Variants in FSTL5 observed in about 807,000 individuals in gnomAD.
The protein encoded by FSTL5 is follistatin-related protein 5.
Under a neutral mutation model 89.1 loss-of-function variants are expected in FSTL5, and 62 were observed. That is an observed-to-expected ratio of 0.70 (90% CI 0.57 to 0.86). FSTL5 has a LOEUF of 0.86. Among genes scored for constraint, FSTL5 ranks in the 40% least tolerant of loss-of-function variants. FSTL5 has a pLI of 0.00. For synonymous variants in FSTL5, 383 were observed against 346.2 expected, an observed-to-expected ratio of 1.11 and a Z score of -1.18; for missense variants, 1,057 against 1,001.6, an observed-to-expected ratio of 1.06 and a Z score of -0.75.
intron 2 of FSTL5, among the ~76,000 whole-genome samples, chr4:162,039,991 A>G (rs1737887783): frequency 6.6e-6 from 1 of 152,032 alleles, no homozygotes; most frequent in South Asian, 2.1e-4. Flanking sequence ...AGATCCTAAC[A>G]CTGAAAATAG....
intron 8 of FSTL5, among the ~76,000 whole-genome samples, chr4:161,579,755 G>GAA (rs1560963595): frequency 1.0e-5 from 1 of 95,378 alleles, no homozygotes; most frequent in Non-Finnish European, 2.5e-5. Context: ...GAAAGAAAAA[G>GAA]AAAAAAAGAA....
intron 6 of FSTL5, among the ~76,000 whole-genome samples, chr4:161,693,078 ATTTG>A (rs965217915): frequency 2.6e-5 from 4 of 152,034 alleles, no homozygotes; most frequent in Non-Finnish European, 5.9e-5. Flanking sequence ...ATTTTTGTTT[ATTTG>A]TTTATCATCC....
intron 3 of FSTL5, among the ~76,000 whole-genome samples, chr4:161,988,714 T>A (rs749091961): frequency 5.3e-5 from 8 of 152,168 alleles, no homozygotes; most frequent in Non-Finnish European, 1.0e-4. Flanking sequence ...TTTTCCCTTT[T>A]CTGGTGATTT....
chr4:162,016,417 A>G (rs1736917345), intron 3 of FSTL5, among the ~76,000 whole-genome samples: 1 of 152,162 alleles, frequency 6.6e-6, no homozygotes, highest in Non-Finnish European at 1.5e-5. Flanking sequence ...CATCAACCCT[A>G]TGGAAAACAG....
chr4:161,892,693 C>T (rs989670967), intron 4 of FSTL5, among the ~76,000 whole-genome samples: 4 of 151,888 alleles, frequency 2.6e-5, no homozygotes, highest in East Asian at 1.9e-4. Context: ...TTAACTTTTC[C>T]AAATGTAAAA....
chr4:162,108,770 T>A (rs1492467), intron 2 of FSTL5, among the ~76,000 whole-genome samples: 150,956 of 151,390 alleles, frequency 1, 75,261 homozygotes, highest in Middle Eastern at 1. Flanking sequence ...ATTTTAATTA[T>A]TAACTAGATA....
At chr4:162,079,423 A>G (rs970136102) in intron 2 of FSTL5, among the ~76,000 whole-genome samples, 1 of 151,680 alleles carries the variant, frequency 6.6e-6, no homozygotes, top group Non-Finnish European at 1.5e-5. Flanking sequence ...TCACAAAAAG[A>G]AAGACATGGG....
chr4:162,066,427 TTCTTTA>T (rs1445488843), intron 2 of FSTL5, among the ~76,000 whole-genome samples: 1 of 150,230 alleles, frequency 6.7e-6, no homozygotes, highest in Non-Finnish European at 1.5e-5. Context: ...CCTTTTTTTT[TTCTTTA>T]CTTTAAGTTC....
intron 4 of FSTL5, among the ~76,000 whole-genome samples, chr4:161,822,802 T>C (rs779132592): frequency 3.3e-5 from 5 of 152,186 alleles, no homozygotes; most frequent in African/African-American, 4.8e-5. Flanking sequence ...ATGAGGTACA[T>C]GGACAACTAG....
intron 8 of FSTL5, among the ~76,000 whole-genome samples, chr4:161,577,761 A>C (rs550577607): frequency 6.6e-6 from 1 of 152,166 alleles, no homozygotes; most frequent in Non-Finnish European, 1.5e-5. Context: ...AAATTTTATG[A>C]CTACGGAAAC....
intron 7 of FSTL5, among the ~76,000 whole-genome samples, chr4:161,636,091 A>C (rs1297399774): frequency 2.3e-5 from 2 of 85,756 alleles, no homozygotes; most frequent in Non-Finnish European, 4.8e-5. Flanking sequence ...AATTGACAGC[A>C]AAAAAAAAAA....
chr4:161,979,501 C>G (rs1464495383), intron 3 of FSTL5, among the ~76,000 whole-genome samples: 1 of 151,964 alleles, frequency 6.6e-6, no homozygotes, highest in African/African-American at 2.4e-5. Flanking sequence ...GTCTTAAAAA[C>G]AAAATCTTCC....
chr4:161,772,977 G>A (rs994831009), intron 5 of FSTL5, among the ~76,000 whole-genome samples: 7 of 152,096 alleles, frequency 4.6e-5, no homozygotes, highest in Admixed American at 1.3e-4. Flanking sequence ...AAAACAGCAT[G>A]GTACTGGTAT....
intron 4 of FSTL5, among the ~76,000 whole-genome samples, chr4:161,809,572 G>A (rs1013765428): frequency 6.6e-6 from 1 of 152,188 alleles, no homozygotes; most frequent in African/African-American, 2.4e-5. Flanking sequence ...AACAGCCAGA[G>A]GATGAAAGCA....
At chr4:161,608,725 G>A (rs953710471) in intron 7 of FSTL5, among the ~76,000 whole-genome samples, 1 of 151,832 alleles carries the variant, frequency 6.6e-6, no homozygotes, top group African/African-American at 2.4e-5. Context: ...ACATTTGAAG[G>A]AGAAAAGAGG....
chr4:161,619,031 C>A (rs549096664), intron 7 of FSTL5, among the ~76,000 whole-genome samples: 4 of 151,944 alleles, frequency 2.6e-5, no homozygotes, highest in African/African-American at 9.7e-5. Flanking sequence ...TCAGAAATAA[C>A]GCTGCATATC....
intron 8 of FSTL5, among the ~76,000 whole-genome samples, chr4:161,566,102 ATATATATAT>A (rs1732798663): frequency 3.6e-5 from 1 of 27,932 alleles, no homozygotes; most frequent in African/African-American, 1.7e-4. Flanking sequence ...TTTTTGGACT[ATATATATAT>A]ATATATATAT....
intron 4 of FSTL5, among the ~76,000 whole-genome samples, chr4:161,780,698 T>C (rs1278378785): frequency 1.3e-5 from 2 of 152,204 alleles, no homozygotes; most frequent in Admixed American, 6.5e-5. Flanking sequence ...CCTGTATAGC[T>C]GGCAGTGCCT....
intron 2 of FSTL5, among the ~76,000 whole-genome samples, chr4:162,036,138 CG>C (rs1341993655): frequency 6.6e-6 from 1 of 152,036 alleles, no homozygotes; most frequent in Non-Finnish European, 1.5e-5. Context: ...CCTTAAGTCT[CG>C]TTCTATTGCT....
Sources: gnomAD v4.1 joint callset for allele counts (sites outside exome capture counted in the v4.1 genomes callset) on GRCh38, gnomAD v4.1.1 for gene constraint, MANE v1.5 for transcripts, NCBI Gene and HGNC (gene_info 2026-07-23, HGNC 2026-07-21) for gene names.